The following HS2ST1 variants were observed in gnomAD, a reference collection of about 807,000 sequenced individuals.
HS2ST1 encodes heparan sulfate 2-O-sulfotransferase 1.
A neutral mutation model predicts 42.9 loss-of-function variants in HS2ST1; 18 were observed. The ratio of observed to expected loss-of-function variants is 0.42; its 90% CI spans 0.29 to 0.62. The LOEUF is 0.62. Among genes scored for constraint, HS2ST1 ranks in the 20% least tolerant of loss-of-function variants. HS2ST1 has a pLI of 0.21. For missense variants in HS2ST1, 334 were observed against 433.8 expected (o/e 0.77, Z 2.04); for synonymous variants, 146 against 152.9 (o/e 0.95, Z 0.33).
At chr1:87,023,138 G>A (rs912768594) in intron 1 of HS2ST1, among the ~76,000 whole-genome samples, 4 of 152,154 alleles carry the variant, frequency 2.6e-5, no homozygotes, top group South Asian at 2.1e-4. Flanking sequence ...CAAAGTTAGT[G>A]TAATAGCAGA....
At chr1:87,045,216 C>G in intron 1 of HS2ST1, 1 of 990,150 alleles carries the variant, frequency 1.0e-6, no homozygotes, top group Non-Finnish European at 1.6e-6. Flanking sequence ...ATCACCAACA[C>G]TTCAAATTCA....
At chr1:86,931,809 C>G (rs1660550752) in intron 1 of HS2ST1, among the ~76,000 whole-genome samples, 1 of 151,560 alleles carries the variant, frequency 6.6e-6, no homozygotes, top group African/African-American at 2.4e-5. Context: ...ATGCTTAATA[C>G]CAGTAATCTT....
At chr1:87,037,673 G>A (rs937341731) in intron 1 of HS2ST1, among the ~76,000 whole-genome samples, 1 of 150,806 alleles carries the variant, frequency 6.6e-6, no homozygotes, top group African/African-American at 2.4e-5. Context: ...AATTGGGTAT[G>A]TATGTTCCTA....
Position 87,064,796 on chromosome 1 carries a change from G to A in HS2ST1, c.125-8138G>A, listed in dbSNP as rs113886292. 9.4e-3 allele frequency among the ~76,000 whole-genome samples: 1,431 copies of A among 152,164 alleles called. 29 individuals carry two copies. Among genetic ancestry groups the A allele is most frequent in the African/African-American group, 0.033 (1,384 of 41,502 alleles). On this transcript the variant is annotated intron_variant, in intron 1 of 6. Coordinates refer to ENST00000370550, the MANE Select transcript of HS2ST1 (RefSeq NM_012262.4). The stretch of plus-strand genomic sequence containing the variant: ...CCACCTCAGCTTCCCGAGTAGCTGG[G>A]ACTACAGGCATGCACCACCACACTC...
At chr1:86,952,891 G>A (rs1260939090) in intron 1 of HS2ST1, among the ~76,000 whole-genome samples, 1 of 151,944 alleles carries the variant, frequency 6.6e-6, no homozygotes, top group Non-Finnish European at 1.5e-5. Flanking sequence ...TCAACTTAAA[G>A]TCACTAGCTT....
At position 87,008,850 on chromosome 1, in the gene HS2ST1, A is replaced by T. The variant is rs545732577; in HGVS notation, c.125-64084A>T. 9.9e-5 allele frequency among the ~76,000 whole-genome samples: 15 copies of T among 150,780 alleles called. 1 individual carries two copies. The South Asian group carries it at 3.0e-3, about 30-fold the overall frequency. Reference sequence around the variant, plus strand: ...GAGTTGTGTTGTGTTGTTTTGTTTTATTTATTTATTCGAGACAGGGTCTCA... The same window carrying T: ...GAGTTGTGTTGTGTTGTTTTGTTTTTTTTATTTATTCGAGACAGGGTCTCA... On this transcript the variant is annotated intron_variant, in intron 1 of 6. Transcript: ENST00000370550.
At position 87,104,462 on chromosome 1, in the gene HS2ST1, G is replaced by T. The variant is rs185684388; in HGVS notation, c.845-8G>T. ...TTACCTTTCCTTTTTTTCCCCCTTT[G>T]TAAGTAGGAAAGAAATCTCATCTTA... is the stretch of plus-strand genomic sequence containing the variant. On this transcript the variant is annotated splice_region_variant and splice_polypyrimidine_tract_variant and intron_variant, in intron 6 of 6. Transcript: ENST00000370550. 5.7e-5 allele frequency: 89 copies of T among 1,560,104 alleles called. No homozygotes were observed. The Admixed American group carries it at 6.1e-4, about 11-fold the overall frequency.
chr1:87,092,044 A>G (rs1651958555), intron 3 of HS2ST1, among the ~76,000 whole-genome samples: 3 of 152,068 alleles, frequency 2.0e-5, no homozygotes, highest in Non-Finnish European at 4.4e-5. Context: ...GTGAGAAATC[A>G]TTGCTACATA....
At chr1:87,101,660 TCTCGA>T (rs1049406543) in intron 5 of HS2ST1, among the ~76,000 whole-genome samples, 2 of 152,170 alleles carry the variant, frequency 1.3e-5, no homozygotes, top group Non-Finnish European at 2.9e-5. Flanking sequence ...ATTAAACCAG[TCTCGA>T]CTTAAGAAAT....
Position 86,926,030 on chromosome 1 carries a change from AG to A in HS2ST1, c.124+10871del, listed in dbSNP as rs1230136555. ...TTTGGGACATACTTAAGTTATCCAG[AG>A]ACAGTTTTGTCTTTTTGAGGCTTGC... On this transcript the variant is annotated intron_variant, in intron 1 of 6. Coordinates refer to ENST00000370550, the MANE Select transcript of HS2ST1 (RefSeq NM_012262.4). Among the ~76,000 whole-genome samples the A allele has an allele frequency of 6.6e-5, 10 of 152,304 alleles. No individual in the cohort carries two copies. The East Asian group carries it at 1.9e-3, about 29-fold the overall frequency.
intron 1 of HS2ST1, among the ~76,000 whole-genome samples, chr1:87,061,671 C>T (rs1399278573): frequency 2.6e-5 from 4 of 151,918 alleles, no homozygotes. Context: ...TTGTTTCTAC[C>T]TTTTGGCTAT....
intron 1 of HS2ST1, among the ~76,000 whole-genome samples, chr1:87,041,066 G>A (rs1280621031): frequency 4.6e-5 from 7 of 151,752 alleles, no homozygotes; most frequent in Non-Finnish European, 1.0e-4. Flanking sequence ...TTATCCATTG[G>A]ACAGTTTTTA....
chr1:86,988,103 A>G (rs760031275), intron 1 of HS2ST1, among the ~76,000 whole-genome samples: 36 of 152,220 alleles, frequency 2.4e-4, no homozygotes, highest in Non-Finnish European at 5.1e-4. Flanking sequence ...TTTCTTTTTC[A>G]GTTACATCAA....
rs1570552437 is a variant in HS2ST1, at chr1:87,107,930, C to T, written c.*3234C>T. 1 of 151,906 alleles carries T rather than the reference C, an allele frequency of 6.6e-6. No homozygotes were observed. Among genetic ancestry groups the T allele is most frequent in the South Asian group, 2.1e-4 (1 of 4,816 alleles). The allele number at this position is 151,906 out of a possible 1,614,324, so 9.4% of individuals were successfully genotyped here. On this transcript the variant is annotated 3_prime_UTR_variant, in exon 7 of 7. Transcript: ENST00000370550. ...AAACATATTGGGTGCTTCTGAATTC[C>T]TGATGATTGGATTTAAGCTATTGAA...
chr1:87,063,284 T>C (rs1201252436), intron 1 of HS2ST1, among the ~76,000 whole-genome samples: 1 of 152,218 alleles, frequency 6.6e-6, no homozygotes, highest in East Asian at 1.9e-4. Context: ...CTTCATCTCT[T>C]CCATTCTGCT....
At chr1:87,064,976 A>G (rs908964264) in intron 1 of HS2ST1, among the ~76,000 whole-genome samples, 1 of 152,190 alleles carries the variant, frequency 6.6e-6, no homozygotes, top group African/African-American at 2.4e-5. Context: ...CAGGCTAACA[A>G]TACTCTTAAG....
intron 1 of HS2ST1, among the ~76,000 whole-genome samples, chr1:87,022,379 A>G (rs943180304): frequency 4.6e-5 from 7 of 152,138 alleles, no homozygotes; most frequent in African/African-American, 1.4e-4. Context: ...AGTTCAACAT[A>G]TATGTTCCTT....
At chr1:86,988,279 A>G (rs548742718) in intron 1 of HS2ST1, among the ~76,000 whole-genome samples, 36 of 152,184 alleles carry the variant, frequency 2.4e-4, no homozygotes, top group Admixed American at 2.3e-3. Flanking sequence ...GAAATTGGCT[A>G]TTGCCATGTC....
chr1:86,932,709 A>T (rs1301980610), intron 1 of HS2ST1, among the ~76,000 whole-genome samples: 1 of 152,168 alleles, frequency 6.6e-6, no homozygotes, highest in Non-Finnish European at 1.5e-5. Flanking sequence ...AAGAAGTGGG[A>T]TCTCTTTTCA....
Sources: gnomAD v4.1 joint callset for allele counts (sites outside exome capture counted in the v4.1 genomes callset) on GRCh38, gnomAD v4.1.1 for gene constraint, MANE v1.5 for transcripts, NCBI Gene and HGNC (gene_info 2026-07-23, HGNC 2026-07-21) for gene names.